PIEZO2: variants seen among roughly 807,000 people sequenced by gnomAD.
PIEZO2 encodes piezo-type mechanosensitive ion channel component 2.
Under a neutral mutation model 337.3 loss-of-function variants are expected in PIEZO2, and 172 were observed. That is an observed-to-expected ratio of 0.51 (90% CI 0.45 to 0.58). PIEZO2 has a LOEUF of 0.58. Among genes scored for constraint, PIEZO2 ranks in the 20% least tolerant of loss-of-function variants. PIEZO2 has a pLI of 0.00. For synonymous variants in PIEZO2, 1,251 were observed against 1,228.5 expected (o/e 1.02, Z -0.38); for missense variants, 3,028 against 3,391.3 (o/e 0.89, Z 2.66).
In PIEZO2 at chr18:10,789,090, C is replaced by A; in HGVS notation, c.2158G>T (p.Ala720Ser). 1 of 1,536,700 alleles carries A rather than the reference C, an allele frequency of 6.5e-7. No individual in the cohort carries two copies. The highest frequency in any genetic ancestry group is 8.7e-7 in the Non-Finnish European group (1 of 1,146,588). ...IYMVLFLFCV[A>S]LYQVHYEWWR... is the part of the protein sequence containing the mutation. The stretch of plus-strand genomic sequence containing the variant: ...AACTGTGTACCTACCTGGTATAGGG[C>A]CACACAGAACAGGAACAGCACCATG... The change falls in exon 15 of 56, where the codon GCC (alanine) becomes TCC (serine). Residue 720 changes from alanine to serine, a missense_variant. Ala to Ser is a moderately conservative substitution (Grantham distance 99). Coordinates refer to ENST00000674853, the MANE Select transcript of PIEZO2 (RefSeq NM_001378183.1).
chr18:11,009,276 C>T lies in PIEZO2; in HGVS notation c.161-29616G>A, dbSNP rs1476626887. ...TGAAGAGTGCTGGGCTTCACAAGCC[C>T]TGATGTGCATTGAAGCCCCTTGGGA... is the stretch of plus-strand genomic sequence containing the variant. On this transcript the variant is annotated intron_variant, in intron 2 of 55. Transcript: ENST00000674853. The surrounding 1 kb of genome is among the most constrained non-coding windows in gnomAD (Gnocchi z 4.6). Among the ~76,000 whole-genome samples, 1 of 152,198 alleles carries T rather than the reference C, an allele frequency of 6.6e-6. No individual in the cohort carries two copies. The highest frequency in any genetic ancestry group is 1.5e-5 in the Non-Finnish European group (1 of 68,032).
At chr18:11,103,786 C>CGTGTGTGTGT (rs71364107) in intron 1 of PIEZO2, among the ~76,000 whole-genome samples, 5 of 148,386 alleles carry the variant, frequency 3.4e-5, no homozygotes, top group African/African-American at 7.4e-5. Flanking sequence ...AGATGCTGGT[C>CGTGTGTGTGT]GTGTGTGTGT....
chr18:10,880,163 G>A (rs1248689765), intron 4 of PIEZO2, among the ~76,000 whole-genome samples: 1 of 152,096 alleles, frequency 6.6e-6, no homozygotes, highest in Non-Finnish European at 1.5e-5. Context: ...TTCCTGTGTA[G>A]AACGAATATG....
At chr18:10,902,998 T>C (rs1030989708) in intron 4 of PIEZO2, among the ~76,000 whole-genome samples, 5 of 152,158 alleles carry the variant, frequency 3.3e-5, no homozygotes, top group Admixed American at 6.5e-5. Context: ...TGCTCACTGA[T>C]GGGCAACAGG....
In PIEZO2 at chr18:10,794,170, T is replaced by C. The variant is rs1299304984; in HGVS notation, c.1758+602A>G. Reference sequence around the variant, plus strand: ...TTCTGTTAACAAAACAAACAGTAAGTTGGGAAACCTAATCTTTTGAAATAA... The same window carrying C: ...TTCTGTTAACAAAACAAACAGTAAGCTGGGAAACCTAATCTTTTGAAATAA... On this transcript the variant is annotated intron_variant, in intron 13 of 55. Coordinates refer to ENST00000674853, the MANE Select transcript of PIEZO2 (RefSeq NM_001378183.1). This position sits in a 1 kb window ranked among gnomAD's most constrained non-coding sequence, Gnocchi z 6.6. Among the ~76,000 whole-genome samples, 2 of 152,168 alleles carry C rather than the reference T, an allele frequency of 1.3e-5. No individual in the cohort carries two copies. The highest frequency in any genetic ancestry group is 4.8e-5 in the African/African-American group (2 of 41,456).
At chr18:10,774,351 CAA>C (rs1442909858) in intron 18 of PIEZO2, among the ~76,000 whole-genome samples, 1 of 152,178 alleles carries the variant, frequency 6.6e-6, no homozygotes, top group East Asian at 1.9e-4. Flanking sequence ...TTGCAAGAAT[CAA>C]GTCATTCACA....
In PIEZO2 at chr18:10,982,073, T is replaced by A. The variant is rs7504846; in HGVS notation, c.161-2413A>T. Reference sequence around the variant, plus strand: ...GGGTCAAATTTCAACATGAGACCTGTTGAGATGTCAAACATCCAAACTGCA... The same window carrying A: ...GGGTCAAATTTCAACATGAGACCTGATGAGATGTCAAACATCCAAACTGCA... On this transcript the variant is annotated intron_variant, in intron 2 of 55. Transcript: ENST00000674853. The surrounding 1 kb of genome is among the most constrained non-coding windows in gnomAD (Gnocchi z 4.1). Among the ~76,000 whole-genome samples the A allele has an allele frequency of 0.055, 8,391 of 152,270 alleles. 506 individuals are homozygous for A. The highest frequency in any genetic ancestry group is 0.15 in the African/African-American group (6,119 of 41,526).
Position 10,791,238 on chromosome 18 carries a change from C to G in PIEZO2, c.1845G>C (p.Ser615=). The change falls in exon 14 of 56, where the codon TCG becomes TCC. Residue 615 remains serine (S), a synonymous_variant. Coordinates refer to ENST00000674853, the MANE Select transcript of PIEZO2 (RefSeq NM_001378183.1). The part of the protein sequence containing the change: ...KALQEKEALL[S]EVKIGSQENE... Reference sequence around the variant, plus strand: ...TTTCCTGACTGCCAATTTTGACTTCCGATAAAAGAGCTTCCTTTTCTTGCA... The same window carrying G: ...TTTCCTGACTGCCAATTTTGACTTCGGATAAAAGAGCTTCCTTTTCTTGCA... 6.5e-7 allele frequency: 1 copy of G among 1,535,954 alleles called. No homozygotes were observed.
chr18:10,759,131 G>A lies in PIEZO2; in HGVS notation c.3757+351C>T, dbSNP rs1226207367. Among the ~76,000 whole-genome samples the A allele has an allele frequency of 2.0e-5, 3 of 152,116 alleles. No homozygotes were observed. Among genetic ancestry groups the A allele is most frequent in the Non-Finnish European group, 2.9e-5 (2 of 68,012 alleles). On this transcript the variant is annotated intron_variant, in intron 26 of 55. Coordinates refer to ENST00000674853, the MANE Select transcript of PIEZO2 (RefSeq NM_001378183.1). The surrounding 1 kb of genome is among the most constrained non-coding windows in gnomAD (Gnocchi z 5.5). ...CAGGGTTTATTTATCTGCACTGGGA[G>A]CCAGAAACCACCAAGTCAGAAAACA...
At chr18:10,804,606 T>A (rs990444611) in intron 8 of PIEZO2, among the ~76,000 whole-genome samples, 1 of 152,186 alleles carries the variant, frequency 6.6e-6, no homozygotes, top group Non-Finnish European at 1.5e-5. Flanking sequence ...GGACTTAGTC[T>A]CATTGTCTGG....
At chr18:10,730,550 ATTT>A (rs59905139) in intron 36 of PIEZO2, among the ~76,000 whole-genome samples, 5 of 151,790 alleles carry the variant, frequency 3.3e-5, no homozygotes, top group Non-Finnish European at 7.4e-5. Context: ...TTCGCTTTTG[ATTT>A]TTTTATTATA....
At chr18:10,755,862 A>C (rs570836728) in intron 27 of PIEZO2, among the ~76,000 whole-genome samples, 2 of 151,408 alleles carry the variant, frequency 1.3e-5, no homozygotes, top group Non-Finnish European at 2.9e-5. Context: ...GAGGAAGACG[A>C]ATGGAGGATG....
At chr18:10,925,829 A>G (rs2031697940) in intron 3 of PIEZO2, among the ~76,000 whole-genome samples, 1 of 152,108 alleles carries the variant, frequency 6.6e-6, no homozygotes, top group African/African-American at 2.4e-5. Flanking sequence ...CAGCCTCCCA[A>G]AGTGCTGGGA....
At chr18:10,734,601 A>G (rs1466348713) in intron 35 of PIEZO2, among the ~76,000 whole-genome samples, 2 of 152,210 alleles carry the variant, frequency 1.3e-5, no homozygotes, top group Non-Finnish European at 2.9e-5. Flanking sequence ...TTTTTCCGTA[A>G]CGAAGCGACT....
At chr18:11,044,014 T>C (rs1398069320) in intron 2 of PIEZO2, among the ~76,000 whole-genome samples, 3 of 152,102 alleles carry the variant, frequency 2.0e-5, no homozygotes, top group Non-Finnish European at 4.4e-5. Context: ...AAAATGATCT[T>C]ATCAGTATGT....
chr18:10,826,790 T>C (rs2040689837), intron 7 of PIEZO2, among the ~76,000 whole-genome samples: 1 of 152,236 alleles, frequency 6.6e-6, no homozygotes, highest in Non-Finnish European at 1.5e-5. Context: ...GTGTTGCGTA[T>C]TCACCACTAC....
chr18:11,006,699 C>G (rs1015139022), intron 2 of PIEZO2, among the ~76,000 whole-genome samples: 7 of 152,086 alleles, frequency 4.6e-5, no homozygotes, highest in Non-Finnish European at 1.5e-5. Flanking sequence ...TCCTCCTCCC[C>G]TGCCTCCCTC....
At chr18:10,780,238 G>A (rs1000295397) in intron 18 of PIEZO2, 87 bp downstream of exon 18, 4 of 690,110 alleles carry the variant, frequency 5.8e-6, no homozygotes, top group Non-Finnish European at 1.1e-5. Context: ...CTGACAACAC[G>A]ATTTTCATGT....
chr18:10,889,780 G>C (rs1308254356), intron 4 of PIEZO2, among the ~76,000 whole-genome samples: 1 of 152,162 alleles, frequency 6.6e-6, no homozygotes, highest in Non-Finnish European at 1.5e-5. Context: ...TCCTCCCTAA[G>C]AGCTGCCCAG....
Sources: gnomAD v4.1 joint callset for allele counts (sites outside exome capture counted in the v4.1 genomes callset) on GRCh38, gnomAD v4.1.1 for gene constraint, Gnocchi (gnomAD v3.1) non-coding constraint, MANE v1.5 for transcripts, NCBI Gene and HGNC (gene_info 2026-07-23, HGNC 2026-07-21) for gene names.